GOLGA5: variants seen among roughly 807,000 people sequenced by gnomAD.
GOLGA5 encodes the protein golgin subfamily A member 5.
In GOLGA5, 50 loss-of-function variants were observed where a neutral mutation model predicts 93.5. The ratio of observed to expected loss-of-function variants is 0.53; its 90% confidence interval spans 0.43 to 0.68. The LOEUF (loss-of-function observed/expected upper bound fraction) is 0.68, where lower values mean the gene tolerates loss of function less well. GOLGA5 is among the 30% of genes least tolerant of loss of function. The pLI is 0.00. For missense variants in GOLGA5, 760 were observed against 856.4 expected (o/e 0.89, Z 1.40); for synonymous variants, 312 against 304.5 (o/e 1.02, Z -0.26).
intron 6 of GOLGA5, among the ~76,000 whole-genome samples, chr14:92,814,404 G>A (rs1285207000): frequency 1.3e-5 from 2 of 151,990 alleles, no homozygotes; most frequent in Admixed American, 6.6e-5. Flanking sequence ...GACAAGTCCC[G>A]AGCTAAATTC....
intron 7 of GOLGA5, among the ~76,000 whole-genome samples, chr14:92,819,153 T>C (rs1035193962): frequency 6.6e-6 from 1 of 152,194 alleles, no homozygotes; most frequent in South Asian, 2.1e-4. Flanking sequence ...TGAGTAAAGA[T>C]ATAAGTCTCC....
chr14:92,816,110 A>G (rs2140323817), intron 6 of GOLGA5, 141 bp from the exon 7 acceptor site: 1 of 610,664 alleles, frequency 1.6e-6, no homozygotes. Flanking sequence ...TTTTATCCTT[A>G]GGGATTTAAG....
At chr14:92,836,261 G>A (rs538803791) in intron 11 of GOLGA5, among the ~76,000 whole-genome samples, 6 of 152,014 alleles carry the variant, frequency 3.9e-5, no homozygotes, top group South Asian at 2.1e-4. Context: ...CTTTTTCTTT[G>A]TAGTGTTTAT....
chr14:92,828,614 G>C (rs77534536), intron 9 of GOLGA5, among the ~76,000 whole-genome samples: 10,087 of 152,192 alleles, frequency 0.066, 403 homozygotes, highest in Middle Eastern at 0.11. Flanking sequence ...CCATTTGGCA[G>C]CCCAAGGTAT....
intron 9 of GOLGA5, among the ~76,000 whole-genome samples, chr14:92,827,280 AT>A (rs143209697): frequency 0.063 from 9,666 of 152,256 alleles, 367 homozygotes; most frequent in Middle Eastern, 0.12. Flanking sequence ...TGTCCACACC[AT>A]TTTTCCAACA....
At position 92,834,448 on chromosome 14, in the gene GOLGA5, A is replaced by G. The variant is rs138795532; in HGVS notation, c.1945+1101A>G. Among the ~76,000 whole-genome samples the G allele has an allele frequency of 2.4e-3, 361 of 151,842 alleles. 14 individuals carry two copies. The East Asian group carries it at 0.064, about 27-fold the overall frequency. On this transcript the variant is annotated intron_variant, in intron 10 of 12. Coordinates refer to ENST00000163416, the MANE Select transcript of GOLGA5 (RefSeq NM_005113.4). ...TCAATTCCCACCTATGAGTGAGAAC[A>G]TACGGTGAAAAGTGTCACTTCTTTA...
chr14:92,797,128 A>G lies in GOLGA5; in HGVS notation c.-30-280A>G, dbSNP rs1884751784. On this transcript the variant is annotated intron_variant, in intron 1 of 12. Transcript: ENST00000163416. Reference sequence around the variant, plus strand: ...TGGTAGTTGTAATAATGGTAATAGCAGCCACTAAAATGAGTGCTTATTATG... The same window carrying G: ...TGGTAGTTGTAATAATGGTAATAGCGGCCACTAAAATGAGTGCTTATTATG... Among the ~76,000 whole-genome samples, 3 of 152,184 alleles carry G rather than the reference A, an allele frequency of 2.0e-5. No individual in the cohort carries two copies. In the South Asian group the frequency reaches 6.2e-4, roughly 32 times the overall value.
chr14:92,820,824 A>C (rs1885304148), intron 8 of GOLGA5, among the ~76,000 whole-genome samples: 2 of 152,260 alleles, frequency 1.3e-5, no homozygotes, highest in South Asian at 4.1e-4. Flanking sequence ...CATACAACAC[A>C]TGTTTTTGTG....
At chr14:92,811,241 C>T (rs1283263486) in intron 5 of GOLGA5, among the ~76,000 whole-genome samples, 1 of 152,148 alleles carries the variant, frequency 6.6e-6, no homozygotes, top group African/African-American at 2.4e-5. Context: ...ACCAGGTTCA[C>T]CTGGGAAATT....
intron 3 of GOLGA5, among the ~76,000 whole-genome samples, chr14:92,808,784 G>A (rs1885044989): frequency 6.6e-6 from 1 of 150,764 alleles, no homozygotes; most frequent in African/African-American, 2.4e-5. Flanking sequence ...AATTACATAT[G>A]GTATGTGAGG....
chr14:92,837,911 CTTTTG>C (rs2140340044), intron 12 of GOLGA5, among the ~76,000 whole-genome samples: 1 of 152,230 alleles, frequency 6.6e-6, no homozygotes, highest in Admixed American at 6.5e-5. Flanking sequence ...ATTAAGATTT[CTTTTG>C]GTAGAGTATA....
rs1595605053 is a variant in GOLGA5 at position 92,833,196 on chromosome 14, C to T, written c.1794C>T (p.Leu598=). The T allele has an allele frequency of 4.3e-6, 7 of 1,613,288 alleles. No homozygotes were observed. Among genetic ancestry groups the T allele is most frequent in the Non-Finnish European group, 5.9e-6 (7 of 1,179,218 alleles). The change falls in exon 10 of 13, where the codon CTC becomes CTT. Residue 598 remains leucine, a synonymous_variant. Coordinates refer to ENST00000163416, the MANE Select transcript of GOLGA5 (RefSeq NM_005113.4). ...GACTCCATCAGCTAACAGAGACTCT[C>T]ATCCAGAAACAGACCATGCTGGAGA... ...ENRLHQLTET[L]IQKQTMLESL...
chr14:92,817,914 AT>A (rs1290832443), intron 7 of GOLGA5, among the ~76,000 whole-genome samples: 1 of 152,202 alleles, frequency 6.6e-6, no homozygotes, highest in East Asian at 1.9e-4. Context: ...AAAGGATAAT[AT>A]ATGAAGAGCC....
At chr14:92,796,271 T>G (rs951124993) in intron 1 of GOLGA5, among the ~76,000 whole-genome samples, 8 of 152,362 alleles carry the variant, frequency 5.3e-5, no homozygotes, top group African/African-American at 1.9e-4. Context: ...TTTTGCCATA[T>G]TGGTTATTTG....
intron 7 of GOLGA5, 94 bp from the exon 8 acceptor site, chr14:92,819,614 C>T (rs548681513): frequency 8.0e-5 from 94 of 1,177,346 alleles, no homozygotes; most frequent in African/African-American, 6.4e-4. Flanking sequence ...GCCTGGGTGA[C>T]GTGAGACTCT....
chr14:92,829,619 C>T (rs1240872974), intron 9 of GOLGA5, among the ~76,000 whole-genome samples: 1 of 152,118 alleles, frequency 6.6e-6, no homozygotes. Flanking sequence ...TTGCTTCTTA[C>T]CGATGAGCTA....
At chr14:92,797,208 T>G (rs1323263490) in intron 1 of GOLGA5, among the ~76,000 whole-genome samples, 200 bp from the exon 2 acceptor site, 2 of 152,134 alleles carry the variant, frequency 1.3e-5, no homozygotes, top group Non-Finnish European at 2.9e-5. Context: ...AAAACCATCC[T>G]ATAAGGTAAG....
chr14:92,827,288 A>G (rs1178371112), intron 9 of GOLGA5, among the ~76,000 whole-genome samples: 1 of 152,240 alleles, frequency 6.6e-6, no homozygotes, highest in Non-Finnish European at 1.5e-5. Flanking sequence ...CCATTTTTCC[A>G]ACAGCATATG....
chr14:92,834,147 A>AT (rs963261113), intron 10 of GOLGA5, among the ~76,000 whole-genome samples: 9 of 148,990 alleles, frequency 6.0e-5, no homozygotes, highest in Non-Finnish European at 7.5e-5. Context: ...AACTTCTGTG[A>AT]TTTTTTTAAG....
Sources: allele counts gnomAD v4.1 joint callset (sites outside exome capture counted in the v4.1 genomes callset), GRCh38; gene constraint gnomAD v4.1.1; transcripts MANE v1.5; gene names NCBI Gene and HGNC (gene_info 2026-07-23, HGNC 2026-07-21).